Variants in USP4 observed in about 807,000 individuals in gnomAD.
USP4 encodes the protein ubiquitin specific peptidase 4.
Under a neutral mutation model 118.2 loss-of-function variants are expected in USP4, and 72 were observed. The observed-to-expected ratio is 0.61, with a 90% CI of 0.50 to 0.74. USP4 has a LOEUF of 0.74. Among genes scored for constraint, USP4 ranks in the 30% least tolerant of loss-of-function variants. USP4 has a pLI of 0.00. For missense variants in USP4, 1,037 were observed against 1,185.7 expected, an observed-to-expected ratio of 0.87 and a Z score of 1.84; for synonymous variants, 415 against 440.4, an observed-to-expected ratio of 0.94 and a Z score of 0.72.
At position 49,297,860 on chromosome 3, in the gene USP4, G is replaced by A. The variant is rs2047225281; in HGVS notation, c.1691+10C>T. On this transcript the variant is annotated intron_variant, in intron 13 of 21. Transcript: ENST00000265560. Reference sequence around the variant, plus strand: ...GACCTGACCTGCAGCAGAAACTGCTGAGTACTCACACGAAAATGTCATCCC... The same window carrying A: ...GACCTGACCTGCAGCAGAAACTGCTAAGTACTCACACGAAAATGTCATCCC... The A allele has an allele frequency of 1.2e-6, 2 of 1,609,230 alleles. No individual in the cohort carries two copies. The highest frequency in any genetic ancestry group is 1.7e-5 in the Admixed American group (1 of 59,966).
intron 6 of USP4, among the ~76,000 whole-genome samples, chr3:49,315,059 A>G (rs1057365386): frequency 6.6e-6 from 1 of 152,092 alleles, no homozygotes; most frequent in Non-Finnish European, 1.5e-5. Flanking sequence ...TTAAGGGCAT[A>G]TAAGGATACT....
chr3:49,321,518 C>T (rs1313192281), intron 6 of USP4, among the ~76,000 whole-genome samples: 2 of 150,310 alleles, frequency 1.3e-5, no homozygotes, highest in Non-Finnish European at 3.0e-5. Context: ...CTCACTGTAT[C>T]GCCCAAGCTG....
At chr3:49,302,204 A>T (rs1253620203) in intron 10 of USP4, among the ~76,000 whole-genome samples, 180 bp downstream of exon 10, 2 of 151,922 alleles carry the variant, frequency 1.3e-5, no homozygotes, top group Non-Finnish European at 2.9e-5. Context: ...AAAAAAAAAA[A>T]AAAAGCAGTA....
chr3:49,331,394 G>A (rs1340155039), intron 2 of USP4, among the ~76,000 whole-genome samples: 1 of 151,892 alleles, frequency 6.6e-6, no homozygotes, highest in African/African-American at 2.4e-5. Context: ...GTCAAGGCGG[G>A]TGGATCACTT....
intron 8 of USP4, among the ~76,000 whole-genome samples, chr3:49,308,280 G>A (rs1218134537): frequency 2.6e-5 from 4 of 152,046 alleles, no homozygotes; most frequent in Non-Finnish European, 5.9e-5. Flanking sequence ...GGGTCACATG[G>A]TATCAGTTCA....
rs2046981370 is a variant in USP4 at position 49,278,127 on chromosome 3, T to G, written c.*166A>C. 1 of 761,628 alleles carries G rather than the reference T, an allele frequency of 1.3e-6. No homozygotes were observed. The allele number at this position is 761,628 out of a possible 1,614,324, so 47.2% of individuals were successfully genotyped here. Reference sequence around the variant, plus strand: ...TTCAGCCTCTTGACATAGCTTCTTCTAGGTAAACGGTCTTCTTTTTTTTTT... The same window carrying G: ...TTCAGCCTCTTGACATAGCTTCTTCGAGGTAAACGGTCTTCTTTTTTTTTT... On this transcript the variant is annotated 3_prime_UTR_variant, in exon 22 of 22. Coordinates refer to ENST00000265560, the MANE Select transcript of USP4 (RefSeq NM_003363.4).
At position 49,327,755 on chromosome 3, in the gene USP4, A is replaced by G. The variant is rs369607945; in HGVS notation, c.291T>C (p.Pro97=). ...TTAGTAGTTTATTCCACGCCTCGGT[A>G]GGGACCAATACATAGTCCAATTCAT... ...LIDELDYVLV[P]TEAWNKLLNW... The change falls in exon 3 of 22, where the codon CCT becomes CCC. Residue 97 remains proline, a synonymous_variant. Transcript: ENST00000265560. 67 of 1,613,690 alleles carry G rather than the reference A, an allele frequency of 4.2e-5. No individual in the cohort carries two copies. Among genetic ancestry groups the G allele is most frequent in the Non-Finnish European group, 5.5e-5 (65 of 1,179,694 alleles).
At chr3:49,325,156 AC>A in intron 4 of USP4, 117 bp from the exon 5 acceptor site, 1 of 1,244,230 alleles carries the variant, frequency 8.0e-7, no homozygotes, top group Non-Finnish European at 1.1e-6. Context: ...CTCTGGATCA[AC>A]CCCCTGATAC....
chr3:49,286,766 C>T (rs1447605279), intron 15 of USP4, among the ~76,000 whole-genome samples: 2 of 152,130 alleles, frequency 1.3e-5, no homozygotes, highest in East Asian at 3.9e-4. Flanking sequence ...TTCCATCCAT[C>T]CATCCATCAT....
At chr3:49,289,641 T>G (rs2047131603) in intron 15 of USP4, among the ~76,000 whole-genome samples, 1 of 151,812 alleles carries the variant, frequency 6.6e-6, no homozygotes, top group Non-Finnish European at 1.5e-5. Flanking sequence ...GAAGCCGAGG[T>G]GTATGGATCA....
chr3:49,286,816 C>CTATCTA (rs2047094977), intron 15 of USP4, among the ~76,000 whole-genome samples: 1 of 141,230 alleles, frequency 7.1e-6, no homozygotes, highest in Non-Finnish European at 1.5e-5. Context: ...ACTCTAGCCA[C>CTATCTA]TCTATCTATC....
Position 49,325,140 on chromosome 3 carries a change from C to T in USP4, c.488-101G>A. On this transcript the variant is annotated intron_variant, in intron 4 of 21. Coordinates refer to ENST00000265560, the MANE Select transcript of USP4 (RefSeq NM_003363.4). ...CATCCTCTTTCTTGTCAGATGCTCA[C>T]AGGTGCTCTGGATCAACCCCCTGAT... 4 of 1,462,468 alleles carry T rather than the reference C, an allele frequency of 2.7e-6. No homozygotes were observed. In the South Asian group the frequency reaches 3.8e-5, roughly 14 times the overall value. The allele number at this position is 1,462,468 out of a possible 1,614,324, so 90.6% of individuals were successfully genotyped here. A position where few individuals can be genotyped will look rare whatever the true frequency, so the allele number is the denominator to read the frequency against.
chr3:49,287,327 TG>T (rs2047106172), intron 15 of USP4, among the ~76,000 whole-genome samples: 1 of 151,828 alleles, frequency 6.6e-6, no homozygotes, highest in African/African-American at 2.4e-5. Context: ...GCTACTTTTT[TG>T]TATTTTTAGT....
intron 16 of USP4, among the ~76,000 whole-genome samples, chr3:49,285,393 A>C (rs191135253): frequency 7.2e-5 from 11 of 152,210 alleles, no homozygotes; most frequent in Admixed American, 7.2e-4. Context: ...GGGAAGATTA[A>C]GCTGAAAAGT....
intron 14 of USP4, among the ~76,000 whole-genome samples, chr3:49,294,088 C>T (rs565827178): frequency 9.2e-5 from 14 of 151,848 alleles, no homozygotes; most frequent in Admixed American, 5.9e-4. Context: ...AAGAATCAAG[C>T]GATTCTCCTG....
Position 49,294,586 on chromosome 3 carries a change from G to T in USP4, c.1704C>A (p.Cys568Ter). Residue 568 changes from cysteine to a stop codon, truncating the protein, a stop_gained, in exon 14 of 22, where the codon TGC (cysteine) becomes TGA (stop). Transcript: ENST00000265560. LOFTEE classifies it high-confidence loss of function. Reference protein sequence around the residue: ...PRDDIFVYEVCSTSVDGSECV... With the variant: ...PRDDIFVYEV The stretch of plus-strand genomic sequence containing the variant: ...ATTCCGAGCCATCCACGGAAGTGCT[G>T]CAGACCTCGTACCTGCGTCAATCAC... 6.2e-7 allele frequency: 1 copy of T among 1,613,764 alleles called. No individual in the cohort carries two copies. Among genetic ancestry groups the T allele is most frequent in the South Asian group, 1.1e-5 (1 of 91,040 alleles).
rs1242877159 is a variant in USP4, at chr3:49,297,910, C to T, written c.1651G>A (p.Glu551Lys). Residue 551 changes from glutamate to lysine, a missense_variant, in exon 13 of 22, where the codon GAA (glutamate) becomes AAA (lysine). Glu to Lys is a moderately conservative substitution (Grantham distance 56). Transcript: ENST00000265560. ...HRFHKIFQMDEGLNHIMPRDD... is the reference protein window; with the variant it reads ...HRFHKIFQMDKGLNHIMPRDD... ...CGAGGCATGATGTGGTTTAAACCTTCATCCATTTGGAAAATTTTGTGGAAT... is the reference window on the plus strand; with the variant it reads ...CGAGGCATGATGTGGTTTAAACCTTTATCCATTTGGAAAATTTTGTGGAAT... The T allele has an allele frequency of 2.5e-6, 4 of 1,614,070 alleles. No individual in the cohort carries two copies. The highest frequency in any genetic ancestry group is 2.7e-5 in the African/African-American group (2 of 74,938).
chr3:49,326,401 C>T (rs1402763937), intron 3 of USP4, among the ~76,000 whole-genome samples: 1 of 151,908 alleles, frequency 6.6e-6, no homozygotes, highest in Admixed American at 6.6e-5. Flanking sequence ...CTATTCTTCA[C>T]TGTTTTTTGT....
At chr3:49,305,925 T>C in intron 8 of USP4, 37 bp from the exon 9 acceptor site, 1 of 1,575,874 alleles carries the variant, frequency 6.3e-7, no homozygotes, top group Non-Finnish European at 8.6e-7. Context: ...ACACACCTTC[T>C]AGACAGTACC....
Sources: allele counts gnomAD v4.1 joint callset (sites outside exome capture counted in the v4.1 genomes callset), GRCh38; gene constraint gnomAD v4.1.1; transcripts MANE v1.5; gene names NCBI Gene and HGNC (gene_info 2026-07-23, HGNC 2026-07-21).